The following GRIA1 variants were observed in gnomAD, a reference collection of about 807,000 sequenced individuals.
GRIA1 encodes glutamate ionotropic receptor AMPA type subunit 1.
In GRIA1, 31 loss-of-function variants were observed where a neutral mutation model predicts 99.2. The observed-to-expected ratio is 0.31, with a 90% CI of 0.23 to 0.42. The LOEUF (loss-of-function observed/expected upper bound fraction) is 0.42. Ranked by LOEUF, GRIA1 falls within the 10% of genes least tolerant of loss-of-function variation. GRIA1 has a pLI of 1.00. For missense variants in GRIA1, 782 were observed against 1,157.5 expected (o/e 0.68, Z 4.71); for synonymous variants, 438 against 432.4 (o/e 1.01, Z -0.16).
chr5:153,647,100 T>G lies in GRIA1; in HGVS notation c.393T>G (p.Asp131Glu). The G allele has an allele frequency of 6.2e-7, 1 of 1,613,872 alleles. No individual in the cohort carries two copies. The highest frequency in any genetic ancestry group is 1.1e-5 in the South Asian group (1 of 91,074). ...FVLQLRPELQ[D>E]ALISIIDHYK... The stretch of plus-strand genomic sequence containing the variant: ...TTCAGCTGCGCCCTGAACTGCAGGA[T>G]GCCCTCATCAGCATCATTGACCATT... The change falls in exon 3 of 16, where the codon GAT becomes GAG. Residue 131 changes from aspartate (D) to glutamate (E), a missense_variant. Around this residue, in one of 5 missense-constraint regions of GRIA1, gnomAD observed 461 missense variants for 521.7 expected, o/e 0.88. Transcript: ENST00000285900.
At chr5:153,494,096 T>C in intron 2 of GRIA1, 31 bp downstream of exon 2, 1 of 1,609,452 alleles carries the variant, frequency 6.2e-7, no homozygotes, top group Non-Finnish European at 8.5e-7. Context: ...CTGAGATGTC[T>C]TTCTGCGCTA....
chr5:153,694,199 C>T (rs912775872), intron 8 of GRIA1, among the ~76,000 whole-genome samples: 2 of 152,152 alleles, frequency 1.3e-5, no homozygotes, highest in African/African-American at 4.8e-5. Context: ...TGAAGGACAA[C>T]TATCCTTAAA....
intron 2 of GRIA1, among the ~76,000 whole-genome samples, chr5:153,563,710 ATCGTATCAAAGAGG>A (rs1244167733): frequency 1.3e-5 from 2 of 152,088 alleles, no homozygotes; most frequent in African/African-American, 4.8e-5. Context: ...AAGAAGGAGC[ATCGTATCAAAGAGG>A]TCTGTTGTCA....
intron 12 of GRIA1, among the ~76,000 whole-genome samples, chr5:153,768,342 A>C (rs1458514062): frequency 6.6e-6 from 1 of 152,160 alleles, no homozygotes; most frequent in Non-Finnish European, 1.5e-5. Context: ...CTTAAAGATT[A>C]TAATGCCCAA....
intron 11 of GRIA1, among the ~76,000 whole-genome samples, chr5:153,734,534 C>G (rs11739206): frequency 0.056 from 8,539 of 152,266 alleles, 297 homozygotes; most frequent in Non-Finnish European, 0.075. Flanking sequence ...TGTAAATGCT[C>G]TCTTCCAAGC....
intron 2 of GRIA1, among the ~76,000 whole-genome samples, chr5:153,578,195 A>C (rs1258000833): frequency 1.4e-5 from 2 of 147,944 alleles, no homozygotes; most frequent in African/African-American, 2.6e-5. Context: ...GAAAGAAAGA[A>C]AAGAAAAGGA....
At chr5:153,757,501 C>T (rs538051151) in intron 11 of GRIA1, among the ~76,000 whole-genome samples, 1 of 152,172 alleles carries the variant, frequency 6.6e-6, no homozygotes, top group African/African-American at 2.4e-5. Context: ...AAGTTGTAAT[C>T]AAATTTTCAA....
intron 14 of GRIA1, 32 bp from the exon 15 acceptor site, chr5:153,802,324 C>T (rs1364157491): frequency 1.2e-6 from 2 of 1,609,902 alleles, no homozygotes; most frequent in East Asian, 2.2e-5. Flanking sequence ...TATTCTTCCC[C>T]CTCCCCTTCC....
intron 2 of GRIA1, among the ~76,000 whole-genome samples, chr5:153,579,628 T>C (rs1762871846): frequency 6.6e-6 from 1 of 152,242 alleles, no homozygotes; most frequent in Non-Finnish European, 1.5e-5. Context: ...TGGGTATGTA[T>C]ATACAGTCCT....
intron 2 of GRIA1, chr5:153,574,383 G>A (rs932589436): frequency 2.0e-5 from 3 of 152,044 alleles, no homozygotes; most frequent in Non-Finnish European, 4.4e-5. Context: ...AGAGTGCCTG[G>A]AGATATAGGT....
chr5:153,787,597 A>G (rs1330933541), intron 13 of GRIA1, among the ~76,000 whole-genome samples: 1 of 152,208 alleles, frequency 6.6e-6, no homozygotes, highest in African/African-American at 2.4e-5. Flanking sequence ...GATTTAGCAT[A>G]AGAAAAGTTC....
At chr5:153,788,088 A>G (rs1437795969) in intron 13 of GRIA1, among the ~76,000 whole-genome samples, 2 of 150,992 alleles carry the variant, frequency 1.3e-5, no homozygotes, top group African/African-American at 2.4e-5. Context: ...TCAAAAAGAA[A>G]AAAAAAAAAA....
intron 11 of GRIA1, among the ~76,000 whole-genome samples, chr5:153,712,998 C>G (rs532521900): frequency 6.6e-6 from 1 of 152,212 alleles, no homozygotes; most frequent in Non-Finnish European, 1.5e-5. Context: ...AGTCATTGAA[C>G]TAGGGTGCTG....
At chr5:153,597,616 T>C (rs1004787709) in intron 2 of GRIA1, among the ~76,000 whole-genome samples, 2 of 152,214 alleles carry the variant, frequency 1.3e-5, no homozygotes, top group East Asian at 3.8e-4. Flanking sequence ...ACTCTTAAAA[T>C]ATTAACATTA....
chr5:153,592,443 T>C (rs1472350341), intron 2 of GRIA1, among the ~76,000 whole-genome samples: 1 of 152,064 alleles, frequency 6.6e-6, no homozygotes. Flanking sequence ...TCACTTTATC[T>C]CTTGTATCCT....
chr5:153,615,859 G>C (rs1376383278), intron 2 of GRIA1, among the ~76,000 whole-genome samples: 1 of 152,152 alleles, frequency 6.6e-6, no homozygotes, highest in Non-Finnish European at 1.5e-5. Flanking sequence ...ACAGAAACAA[G>C]AACTTAGTGC....
intron 2 of GRIA1, among the ~76,000 whole-genome samples, chr5:153,632,729 G>C (rs1489683195): frequency 6.6e-6 from 1 of 152,108 alleles, no homozygotes; most frequent in African/African-American, 2.4e-5. Context: ...ACTATGTCAG[G>C]GTCAGGGACA....
At chr5:153,682,568 C>T (rs868466346) in intron 7 of GRIA1, among the ~76,000 whole-genome samples, 7 of 152,218 alleles carry the variant, frequency 4.6e-5, no homozygotes, top group African/African-American at 7.2e-5. Flanking sequence ...CAGATTATGT[C>T]GGATCATCCT....
chr5:153,810,659 A>T (rs1766750891), intron 15 of GRIA1, among the ~76,000 whole-genome samples: 1 of 152,238 alleles, frequency 6.6e-6, no homozygotes, highest in South Asian at 2.1e-4. Flanking sequence ...CCAAGTTTCC[A>T]AACCCCTTTC....
Sources: gnomAD v4.1 joint callset for allele counts (sites outside exome capture counted in the v4.1 genomes callset) on GRCh38, gnomAD v4.1.1 for gene constraint, gnomAD v4.1.1 regional missense constraint, MANE v1.5 for transcripts, NCBI Gene and HGNC (gene_info 2026-07-23, HGNC 2026-07-21) for gene names.